Variants in LRIF1 observed in about 807,000 individuals in gnomAD.
LRIF1 encodes the protein ligand-dependent nuclear receptor-interacting factor 1.
Under a neutral mutation model 52.7 loss-of-function variants are expected in LRIF1, and 32 were observed. That is an observed-to-expected ratio of 0.61 (90% CI 0.46 to 0.82). The LOEUF (loss-of-function observed/expected upper bound fraction) is 0.82, where lower values mean the gene tolerates loss of function less well. LRIF1 is among the 40% of genes least tolerant of loss of function. The pLI is 0.00. For synonymous variants in LRIF1, 323 were observed against 317.4 expected (o/e 1.02, Z -0.19); for missense variants, 887 against 892.0 (o/e 0.99, Z 0.07).
the LRIF1 span, among the ~76,000 whole-genome samples, chr1:110,893,416 G>A: frequency 2.6e-5 from 4 of 152,076 alleles, no homozygotes; most frequent in Admixed American, 6.5e-5. Context: ...TCCGCCTCCC[G>A]GGTTCAAGCC....
chr1:110,947,654 A>C lies in LRIF1; in HGVS notation c.*305T>G, dbSNP rs1570937198. The C allele has an allele frequency of 2.9e-5, 6 of 210,096 alleles. 1 individual carries two copies. The Admixed American group carries it at 3.2e-4, about 11-fold the overall frequency. 13.0% of individuals were successfully genotyped at this position (210,096 alleles called of 1,614,324 possible). On this transcript the variant is annotated 3_prime_UTR_variant, in exon 4 of 4. Transcript: ENST00000369763. ...GCCTGAGCAATTTAGGTAAAGATACAAACAATAACAAAAACCCTGCCCAAA... is the reference window on the plus strand; with the variant it reads ...GCCTGAGCAATTTAGGTAAAGATACCAACAATAACAAAAACCCTGCCCAAA...
chr1:110,952,620 G>A lies in LRIF1; in HGVS notation c.264C>T (p.Ser88=), dbSNP rs1658532488. ...TGGGCAATTGAACTGATGCACTTGT[G>A]GAAGAGCTGGAAATCTGAGTCTGAA... ...VTFQTQISSS[S]TSASVQLPIF... Residue 88 remains serine (S), a synonymous_variant, in exon 2 of 4, where the codon TCC becomes TCT. Transcript: ENST00000369763. 6.2e-7 allele frequency: 1 copy of A among 1,614,026 alleles called. No individual in the cohort carries two copies. The highest frequency in any genetic ancestry group is 2.2e-5 in the East Asian group (1 of 44,872).
the LRIF1 span, chr1:110,936,751 T>C: frequency 1.3e-5 from 2 of 151,912 alleles, no homozygotes; most frequent in Non-Finnish European, 2.9e-5. Flanking sequence ...AATAATAACA[T>C]TGAATGTAAA....
At chr1:110,930,008 A>C in the LRIF1 span, among the ~76,000 whole-genome samples, 1 of 152,206 alleles carries the variant, frequency 6.6e-6, no homozygotes, top group Non-Finnish European at 1.5e-5. Context: ...TGCACCTAAA[A>C]TAAAAGTTTT....
chr1:110,959,006 A>C (rs375080886), intron 1 of LRIF1, among the ~76,000 whole-genome samples: 4 of 152,292 alleles, frequency 2.6e-5, no homozygotes, highest in African/African-American at 9.6e-5. Context: ...CCTTCCATTG[A>C]AGAGATTAAA....
At chr1:110,900,088 C>G in the LRIF1 span, among the ~76,000 whole-genome samples, 1 of 152,264 alleles carries the variant, frequency 6.6e-6, no homozygotes, top group Admixed American at 6.5e-5. Context: ...TTTTGTGGGT[C>G]AGGAATCTAG....
chr1:110,945,188 CTT>C (rs1391198477), downstream of LRIF1: 1 of 151,962 alleles, frequency 6.6e-6, no homozygotes, highest in Non-Finnish European at 1.5e-5. Context: ...CAATTCTTGA[CTT>C]TAAAAGCAGG....
the LRIF1 span, among the ~76,000 whole-genome samples, chr1:110,906,661 A>G: frequency 6.6e-6 from 1 of 152,232 alleles, no homozygotes. Flanking sequence ...TCTAAAGAAG[A>G]GAGCTATATC....
the LRIF1 span, among the ~76,000 whole-genome samples, chr1:110,935,944 A>T: frequency 6.6e-6 from 1 of 152,136 alleles, no homozygotes; most frequent in South Asian, 2.1e-4. Context: ...TATTTCTAAA[A>T]GCAGCAAGAG....
chr1:110,896,706 A>C, the LRIF1 span: 1 of 1,613,610 alleles, frequency 6.2e-7, no homozygotes. Context: ...GCCCACCAGC[A>C]TCTTGCCCCT....
At chr1:110,912,188 T>C in the LRIF1 span, among the ~76,000 whole-genome samples, 5 of 152,090 alleles carry the variant, frequency 3.3e-5, no homozygotes, top group African/African-American at 1.2e-4. Flanking sequence ...ATCAGTAGCA[T>C]TTCTTTTTTT....
Position 110,963,922 on chromosome 1 carries a change from C to A in LRIF1, c.-234G>T, listed in dbSNP as rs542958205. 5.7e-4 allele frequency: 236 copies of A among 415,380 alleles called. No homozygotes were observed. The highest frequency in any genetic ancestry group is 2.9e-3 in the Middle Eastern group (4 of 1,380). 25.7% of individuals were successfully genotyped at this position (415,380 alleles called of 1,614,324 possible). ...CCGGAAGGCTCCTGGCGGTGGACTG[C>A]GCCCTCACAGCCCTACGCTGAGAGA... On this transcript the variant is annotated 5_prime_UTR_variant, in exon 1 of 4. Coordinates refer to ENST00000369763, the MANE Select transcript of LRIF1 (RefSeq NM_018372.4).
chr1:110,928,110 C>T, the LRIF1 span, among the ~76,000 whole-genome samples: 13 of 152,190 alleles, frequency 8.5e-5, no homozygotes, highest in East Asian at 3.9e-4. Context: ...CTAGTTTTGG[C>T]GGAGTAGGTC....
the LRIF1 span, among the ~76,000 whole-genome samples, chr1:110,908,351 G>A: frequency 6.6e-6 from 1 of 152,188 alleles, no homozygotes; most frequent in Non-Finnish European, 1.5e-5. Context: ...AAGCAAGAGT[G>A]TCTTCATACC....
chr1:110,902,182 T>C, the LRIF1 span, among the ~76,000 whole-genome samples: 1 of 152,228 alleles, frequency 6.6e-6, no homozygotes, highest in Admixed American at 6.5e-5. Context: ...AATGACACTT[T>C]TATGCTTGAA....
downstream of LRIF1, chr1:110,943,802 T>A (rs1239824111): frequency 2.0e-5 from 3 of 152,218 alleles, no homozygotes; most frequent in Non-Finnish European, 4.4e-5. Flanking sequence ...TCCCTTTTCT[T>A]ATTTAATTCC....
chr1:110,886,205 A>G, the LRIF1 span, among the ~76,000 whole-genome samples: 1 of 152,088 alleles, frequency 6.6e-6, no homozygotes, highest in Admixed American at 6.5e-5. Context: ...CCTGTTTTCC[A>G]ATAAGAAGTC....
chr1:110,951,851 T>A lies in LRIF1; in HGVS notation c.1033A>T (p.Thr345Ser). Reference protein sequence around the residue: ...PPLSTIDPSGTRSKNMPIKDN... With the variant: ...PPLSTIDPSGSRSKNMPIKDN... ...TTAATAGGCATATTTTTGGATCGCG[T>A]CCCACTAGGATCGATGGTACTCAAT... The change falls in exon 2 of 4, where the codon ACG (threonine) becomes TCG (serine). Residue 345 changes from threonine (T) to serine (S), a missense_variant. Transcript: ENST00000369763. 6.2e-7 allele frequency: 1 copy of A among 1,613,498 alleles called. No homozygotes were observed.
the LRIF1 span, chr1:110,891,577 G>T: frequency 6.0e-6 from 5 of 836,294 alleles, no homozygotes; most frequent in Admixed American, 9.4e-5. Context: ...ATGCGTGTTT[G>T]GGTCATGTCC....
Sources: gnomAD v4.1 joint callset for allele counts (sites outside exome capture counted in the v4.1 genomes callset) on GRCh38, gnomAD v4.1.1 for gene constraint, MANE v1.5 for transcripts, NCBI Gene and HGNC (gene_info 2026-07-23, HGNC 2026-07-21) for gene names.